The following ASCC2 variants were observed in gnomAD, a reference collection of about 807,000 sequenced individuals.
The protein encoded by ASCC2 is activating signal cointegrator 1 complex subunit 2.
A neutral mutation model predicts 93.5 loss-of-function variants in ASCC2; 42 were observed. That is an observed-to-expected ratio of 0.45 (90% CI 0.35 to 0.58). The LOEUF (loss-of-function observed/expected upper bound fraction) is 0.58, where lower values mean the gene tolerates loss of function less well. Among genes scored for constraint, ASCC2 ranks in the 20% least tolerant of loss-of-function variants. The pLI is 0.00. For missense variants in ASCC2, 859 were observed against 977.6 expected (o/e 0.88, Z 1.62); for synonymous variants, 364 against 384.2 (o/e 0.95, Z 0.62).
intron 13 of ASCC2, among the ~76,000 whole-genome samples, chr22:29,802,999 C>T (rs2059268710): frequency 6.6e-6 from 1 of 151,826 alleles, no homozygotes; most frequent in Non-Finnish European, 1.5e-5. Context: ...ATAATCCCAG[C>T]ACTTTGGGAG....
At chr22:29,795,726 G>A (rs1180889763) in intron 15 of ASCC2, among the ~76,000 whole-genome samples, 1 of 152,202 alleles carries the variant, frequency 6.6e-6, no homozygotes, top group Non-Finnish European at 1.5e-5. Flanking sequence ...GTGAGCTGCA[G>A]CACAGCTTCG....
At chr22:29,794,961 T>TC (rs2058244072) in intron 15 of ASCC2, among the ~76,000 whole-genome samples, 1 of 152,122 alleles carries the variant, frequency 6.6e-6, no homozygotes, top group Admixed American at 6.5e-5. Context: ...AATCTTTTTT[T>TC]TTTTTTTTTG....
rs2062244617 is a variant in ASCC2 at position 29,825,921 on chromosome 22, T to A, written c.82-141A>T. ...TTTTAAGCATAAAGAACCAAGTGTA[T>A]CTAACAAAGAGGGCATGGTTGCATT... On this transcript the variant is annotated intron_variant, in intron 2 of 19. Coordinates refer to ENST00000307790, the MANE Select transcript of ASCC2 (RefSeq NM_032204.5). This position sits in a 1 kb window ranked among gnomAD's most constrained non-coding sequence, Gnocchi z 4.9. The A allele has an allele frequency of 1.1e-6, 1 of 934,438 alleles. No homozygotes were observed. The highest frequency in any genetic ancestry group is 1.6e-6 in the Non-Finnish European group (1 of 616,004). The allele number at this position is 934,438 out of a possible 1,614,324, so 57.9% of individuals were successfully genotyped here.
chr22:29,789,128 C>T lies in ASCC2; in HGVS notation c.2159G>A (p.Ser720Asn). The change falls in exon 20 of 20, where the codon AGC becomes AAC. Residue 720 changes from serine to asparagine, a missense_variant. By Grantham distance (46) the Ser-to-Asn change is conservative. Coordinates refer to ENST00000307790, the MANE Select transcript of ASCC2 (RefSeq NM_032204.5). Reference sequence around the variant, plus strand: ...CCTGCGTTCCTGGGTTGTCTCGCGGCTCTGCCCATGGCCTCGGGGGCTGCC... The same window carrying T: ...CCTGCGTTCCTGGGTTGTCTCGCGGTTCTGCCCATGGCCTCGGGGGCTGCC... ...VAGSPRGHGQ[S>N]RETTQERRKK... 1 of 1,614,200 alleles carries T rather than the reference C, an allele frequency of 6.2e-7. No individual in the cohort carries two copies. Among genetic ancestry groups the T allele is most frequent in the South Asian group, 1.1e-5 (1 of 91,082 alleles).
chr22:29,828,372 T>G (rs1235231252), intron 2 of ASCC2, among the ~76,000 whole-genome samples: 7 of 152,158 alleles, frequency 4.6e-5, no homozygotes, highest in Non-Finnish European at 5.9e-5. Context: ...GCCCCTATTT[T>G]TTTAATCTAC....
At chr22:29,802,509 A>T (rs1341516188) in intron 13 of ASCC2, among the ~76,000 whole-genome samples, 3 of 152,220 alleles carry the variant, frequency 2.0e-5, no homozygotes, top group South Asian at 2.1e-4. Context: ...AAAAAATAAA[A>T]AAAATTTAAG....
intron 2 of ASCC2, among the ~76,000 whole-genome samples, chr22:29,827,829 ACATACAC>A (rs2062606554): frequency 7.6e-6 from 1 of 130,870 alleles, no homozygotes; most frequent in African/African-American, 3.0e-5. Flanking sequence ...ACACACACAC[ACATACAC>A]CCAGACTACT....
rs2058051266 is a variant in ASCC2 at position 29,793,585 on chromosome 22, C to T, written c.1780G>A (p.Val594Met). 1 of 1,612,742 alleles carries T rather than the reference C, an allele frequency of 6.2e-7. No individual in the cohort carries two copies. Among genetic ancestry groups the T allele is most frequent in the African/African-American group, 1.3e-5 (1 of 75,050 alleles). ...TGGCCTTGGTGGCCTACCTCCTCCA[C>T]CACCACGCTGTACTGCTCGTAGCGC... ...RQRYEQYSVV[V>M]EEVPLQPGES... The change falls in exon 16 of 20, where the codon GTG becomes ATG. Residue 594 changes from valine to methionine, a missense_variant. By Grantham distance (21) the Val-to-Met change is conservative. Coordinates refer to ENST00000307790, the MANE Select transcript of ASCC2 (RefSeq NM_032204.5).
intron 4 of ASCC2, among the ~76,000 whole-genome samples, chr22:29,823,946 C>T (rs2061938197): frequency 1.3e-5 from 2 of 152,016 alleles, no homozygotes; most frequent in Non-Finnish European, 1.5e-5. Flanking sequence ...ATCCCAGCTA[C>T]TTGGGAGGCT....
chr22:29,803,440 A>C (rs1323279196), intron 13 of ASCC2, among the ~76,000 whole-genome samples: 1 of 152,018 alleles, frequency 6.6e-6, no homozygotes, highest in Non-Finnish European at 1.5e-5. Context: ...CACCCACCTC[A>C]TGGGGTTGTT....
At chr22:29,832,122 A>T in intron 2 of ASCC2, 123 bp downstream of exon 2, 1 of 802,032 alleles carries the variant, frequency 1.2e-6, no homozygotes, top group Non-Finnish European at 2.0e-6. Flanking sequence ...TGTCTCAGCT[A>T]CTGAATCACC....
intron 7 of ASCC2, 137 bp from the exon 8 acceptor site, chr22:29,813,679 C>T: frequency 1.5e-6 from 1 of 645,356 alleles, no homozygotes; most frequent in East Asian, 2.8e-5. Context: ...CACTGGAGGT[C>T]CCAGGCAAAG....
intron 2 of ASCC2, among the ~76,000 whole-genome samples, chr22:29,831,043 A>T (rs775734449): frequency 6.6e-6 from 1 of 152,206 alleles, no homozygotes; most frequent in African/African-American, 2.4e-5. Context: ...CACTCACCAC[A>T]TGGGGCTATT....
In ASCC2 at chr22:29,794,735, C is replaced by T. The variant is rs1178365790; in HGVS notation, c.1689-1059G>A. Among the ~76,000 whole-genome samples, 4 of 152,196 alleles carry T rather than the reference C, an allele frequency of 2.6e-5. No individual in the cohort carries two copies. In the East Asian group the frequency reaches 7.7e-4, roughly 29 times the overall value. On this transcript the variant is annotated intron_variant, in intron 15 of 19. Transcript: ENST00000307790. ...GTTGTGTGGTAGTTGTCAAGAAAGA[C>T]ATTGATCTATTTGTGCTGATGCGGA...
chr22:29,820,254 C>T (rs2061391998), intron 5 of ASCC2, among the ~76,000 whole-genome samples: 1 of 152,100 alleles, frequency 6.6e-6, no homozygotes, highest in Non-Finnish European at 1.5e-5. Flanking sequence ...CCTCTGCCTC[C>T]TGGGTTAACA....
At chr22:29,796,574 T>C (rs571863973) in intron 15 of ASCC2, among the ~76,000 whole-genome samples, 1 of 152,132 alleles carries the variant, frequency 6.6e-6, no homozygotes, top group Non-Finnish European at 1.5e-5. Flanking sequence ...GCAGGAGGGA[T>C]GGTGCACTTG....
Position 29,825,178 on chromosome 22 carries a change from GCCA to G in ASCC2, c.317_319del (p.Val106del). On this transcript the variant is annotated inframe_deletion, in exon 4 of 20. Coordinates refer to ENST00000307790, the MANE Select transcript of ASCC2 (RefSeq NM_032204.5). This position sits in a 1 kb window ranked among gnomAD's most constrained non-coding sequence, Gnocchi z 4.9. The stretch of plus-strand genomic sequence containing the variant: ...CATGTCAACAACCTCAGGGGCTGAG[GCCA>G]CCCCCTCGTCGAATTTGCGGGGGAC... 6.4e-7 allele frequency: 1 copy of G among 1,564,708 alleles called. No individual in the cohort carries two copies. Among genetic ancestry groups the G allele is most frequent in the South Asian group, 1.2e-5 (1 of 84,894 alleles).
rs1279241023 is a variant in ASCC2, at chr22:29,825,054, G to A, written c.411+33C>T. The A allele has an allele frequency of 9.4e-6, 13 of 1,379,766 alleles. No homozygotes were observed. The highest frequency in any genetic ancestry group is 8.1e-5 in the East Asian group (3 of 36,842). The allele number at this position is 1,379,766 out of a possible 1,614,324, so 85.5% of individuals were successfully genotyped here. ...GCCCGGCACAGAGGTGTCGAGTATCGGGTGATGACCTGTCATGGGATCAGT... is the reference window on the plus strand; with the variant it reads ...GCCCGGCACAGAGGTGTCGAGTATCAGGTGATGACCTGTCATGGGATCAGT... On this transcript the variant is annotated intron_variant, in intron 4 of 19. Transcript: ENST00000307790. The surrounding 1 kb of genome is among the most constrained non-coding windows in gnomAD (Gnocchi z 4.9).
At chr22:29,799,565 G>A (rs1158842501) in intron 15 of ASCC2, among the ~76,000 whole-genome samples, 1 of 152,194 alleles carries the variant, frequency 6.6e-6, no homozygotes, top group Non-Finnish European at 1.5e-5. Context: ...AACAAGGCTG[G>A]CTGGTCTCCT....
Sources: allele counts gnomAD v4.1 joint callset (sites outside exome capture counted in the v4.1 genomes callset), GRCh38; gene constraint gnomAD v4.1.1; non-coding constraint Gnocchi (gnomAD v3.1); transcripts MANE v1.5; gene names NCBI Gene and HGNC (gene_info 2026-07-23, HGNC 2026-07-21).